Variants in NCOA1 observed in about 807,000 individuals in gnomAD.
NCOA1 encodes Hin-2 protein.
A neutral mutation model predicts 150.9 loss-of-function variants in NCOA1; 35 were observed. That is an observed-to-expected ratio of 0.23 (90% confidence interval 0.18 to 0.31). The LOEUF is 0.31. NCOA1 is among the 10% of genes least tolerant of loss of function. The pLI is 1.00. For missense variants in NCOA1, 1,491 were observed against 1,749.3 expected (o/e 0.85, Z 2.63); for synonymous variants, 590 against 630.0 (o/e 0.94, Z 0.95).
At chr2:24,576,163 G>GGTT (rs1666961530) in intron 2 of NCOA1, among the ~76,000 whole-genome samples, 2 of 92,734 alleles carry the variant, frequency 2.2e-5, no homozygotes, top group Non-Finnish European at 4.3e-5. Context: ...TTTTTTTTTT[G>GGTT]TTTTTTGTTT....
intron 1 of NCOA1, among the ~76,000 whole-genome samples, chr2:24,519,717 C>T (rs1263496561): frequency 6.6e-6 from 1 of 150,818 alleles, no homozygotes; most frequent in Admixed American, 6.6e-5. Flanking sequence ...TAGGCATAGT[C>T]TCGGGAGGCT....
intron 4 of NCOA1, among the ~76,000 whole-genome samples, chr2:24,651,374 A>T (rs1275550952): frequency 6.6e-6 from 1 of 152,110 alleles, no homozygotes; most frequent in Non-Finnish European, 1.5e-5. Context: ...TCAGCCATTA[A>T]AAAGGAGGAG....
At chr2:24,718,683 A>C (rs1674183784) in intron 14 of NCOA1, among the ~76,000 whole-genome samples, 1 of 151,318 alleles carries the variant, frequency 6.6e-6, no homozygotes, top group Admixed American at 6.6e-5. Context: ...AAAAAATACA[A>C]AACTAGGCTA....
chr2:24,611,397 C>T (rs1428438044), intron 3 of NCOA1, among the ~76,000 whole-genome samples: 1 of 152,174 alleles, frequency 6.6e-6, no homozygotes, highest in Non-Finnish European at 1.5e-5. Flanking sequence ...AAGAGTGCTG[C>T]AGTGAACGTA....
At chr2:24,501,227 T>C (rs1387233556) in intron 1 of NCOA1, among the ~76,000 whole-genome samples, 2 of 152,240 alleles carry the variant, frequency 1.3e-5, no homozygotes, top group Admixed American at 6.5e-5. Flanking sequence ...TGGAGTTCTT[T>C]TGGTTTTATT....
chr2:24,658,583 C>A, intron 4 of NCOA1, 78 bp from the exon 5 acceptor site: 1 of 1,020,244 alleles, frequency 9.8e-7, no homozygotes, highest in Non-Finnish European at 1.5e-6. Context: ...AATTTTCTAA[C>A]AGAGGGGAGC....
At chr2:24,717,945 G>A (rs1343395163) in intron 14 of NCOA1, among the ~76,000 whole-genome samples, 1 of 145,118 alleles carries the variant, frequency 6.9e-6, no homozygotes, top group Non-Finnish European at 1.5e-5. Context: ...TGCCTAGGCT[G>A]GAGTGCAATG....
Position 24,762,741 on chromosome 2 carries a change from A to G in NCOA1, c.4120A>G (p.Thr1374Ala), listed in dbSNP as rs746606970. 11 of 1,614,114 alleles carry G rather than the reference A, an allele frequency of 6.8e-6. No homozygotes were observed. The highest frequency in any genetic ancestry group is 8.5e-6 in the Non-Finnish European group (10 of 1,179,958). ...TGLYCNQLSS[T>A]DLLKTEADGT... is the part of the protein sequence containing the mutation. Reference sequence around the variant, plus strand: ...CCTCTACTGCAACCAGCTCTCATCCACTGACCTTCTCAAAACAGAAGCAGA... The same window carrying G: ...CCTCTACTGCAACCAGCTCTCATCCGCTGACCTTCTCAAAACAGAAGCAGA... Residue 1374 changes from threonine (T) to alanine (A), a missense_variant, in exon 22 of 23, where the codon ACT becomes GCT. This residue lies in a region of NCOA1 where 485 missense variants were observed against 522.8 expected (regional missense o/e 0.93). Coordinates refer to ENST00000348332, the MANE Select transcript of NCOA1 (RefSeq NM_003743.5).
At position 24,739,433 on chromosome 2, in the gene NCOA1, T is replaced by C. The variant is rs1663494267; in HGVS notation, c.3203T>C (p.Leu1068Ser). The change falls in exon 18 of 23, where the codon TTG (leucine) becomes TCG (serine). Residue 1068 changes from leucine (L) to serine (S), a missense_variant and splice_region_variant. Physicochemically the swap from Leu to Ser is moderately radical, Grantham distance 145 (BLOSUM62 -2). Around this residue, in one of 8 missense-constraint regions of NCOA1, gnomAD observed 485 missense variants for 522.8 expected, o/e 0.93. Transcript: ENST00000348332. ...CTTATTGTTTCCATTTTTCTCTAGT[T>C]GATACACCAAAATCGGCAAGCTATC... Reference protein sequence around the residue: ...LQQRLQGQQQLIHQNRQAILN... With the variant: ...LQQRLQGQQQSIHQNRQAILN... 1 of 1,610,996 alleles carries C rather than the reference T, an allele frequency of 6.2e-7. No homozygotes were observed. Among genetic ancestry groups the C allele is most frequent in the Non-Finnish European group, 8.5e-7 (1 of 1,177,376 alleles).
intron 14 of NCOA1, among the ~76,000 whole-genome samples, chr2:24,717,866 T>C (rs886908292): frequency 4.4e-4 from 66 of 151,442 alleles, no homozygotes; most frequent in Non-Finnish European, 1.8e-4. Flanking sequence ...AAGGAAGATA[T>C]GAAAATGGCA....
At chr2:24,748,677 C>G (rs1664066552) in intron 19 of NCOA1, among the ~76,000 whole-genome samples, 1 of 150,314 alleles carries the variant, frequency 6.7e-6, no homozygotes, top group Non-Finnish European at 1.5e-5. Flanking sequence ...AACTACATCT[C>G]TGGCAAATAT....
intron 1 of NCOA1, among the ~76,000 whole-genome samples, chr2:24,543,635 A>G (rs1176377505): frequency 6.6e-6 from 1 of 152,094 alleles, no homozygotes; most frequent in African/African-American, 2.4e-5. Context: ...ACCTAGATGA[A>G]CAGGGAAGGC....
intron 6 of NCOA1, among the ~76,000 whole-genome samples, chr2:24,666,296 G>A (rs1390486357): frequency 6.6e-6 from 1 of 152,078 alleles, no homozygotes; most frequent in Non-Finnish European, 1.5e-5. Flanking sequence ...TTACAGGCGT[G>A]AGCCACCGCA....
chr2:24,725,989 A>G (rs986534106), intron 14 of NCOA1, among the ~76,000 whole-genome samples: 1 of 152,138 alleles, frequency 6.6e-6, no homozygotes, highest in Admixed American at 6.5e-5. Context: ...CGTTACAGAA[A>G]AACGTTCTAA....
chr2:24,633,134 A>G (rs935139799), intron 3 of NCOA1, among the ~76,000 whole-genome samples: 3 of 152,150 alleles, frequency 2.0e-5, no homozygotes, highest in Non-Finnish European at 1.5e-5. Flanking sequence ...CCATATATAG[A>G]TACATATGCA....
intron 3 of NCOA1, among the ~76,000 whole-genome samples, chr2:24,636,933 A>T (rs1167483094): frequency 6.6e-6 from 1 of 151,980 alleles, no homozygotes; most frequent in East Asian, 1.9e-4. Context: ...TTTTAAATTG[A>T]CAAATAATAA....
chr2:24,765,896 C>CTTTTTTTTTT lies in NCOA1; in HGVS notation c.4156-2315_4156-2306dup, dbSNP rs773857143. ...AGTTTTCTGTAATTTCAATAATACA[C>CTTTTTTTTTT]TTTTTTTTTTTTTTTTTTTGAGACG... On this transcript the variant is annotated intron_variant, in intron 22 of 22. Coordinates refer to ENST00000348332, the MANE Select transcript of NCOA1 (RefSeq NM_003743.5). Among the ~76,000 whole-genome samples the CTTTTTTTTTT allele has an allele frequency of 5.3e-4, 68 of 128,046 alleles. 1 individual carries two copies. Among genetic ancestry groups the CTTTTTTTTTT allele is most frequent in the East Asian group, 1.8e-3 (8 of 4,436 alleles). 84.0% of individuals were successfully genotyped at this position (128,046 alleles called of 152,430 possible).
chr2:24,640,072 T>C (rs1337832769), intron 3 of NCOA1, among the ~76,000 whole-genome samples: 1 of 151,486 alleles, frequency 6.6e-6, no homozygotes, highest in Admixed American at 6.6e-5. Flanking sequence ...TTGCATTTTC[T>C]TCTTTCACTG....
rs1413998573 is a variant in NCOA1, at chr2:24,491,462, G to T, written c.-536G>T. ...TCAGGTTCCCTCTGCATCCCCCTGC[G>T]GGGGGACCCCTGCTCCGGAGGAGGG... On this transcript the variant is annotated 5_prime_UTR_variant, in exon 1 of 23. Transcript: ENST00000348332. 9.3e-6 allele frequency among the ~76,000 whole-genome samples: 1 copy of T among 107,246 alleles called. No individual in the cohort carries two copies. Among genetic ancestry groups the T allele is most frequent in the Non-Finnish European group, 1.8e-5 (1 of 56,254 alleles). 70.4% of individuals were successfully genotyped at this position (107,246 alleles called of 152,430 possible).
Sources: allele counts gnomAD v4.1 joint callset (sites outside exome capture counted in the v4.1 genomes callset), GRCh38; gene constraint gnomAD v4.1.1; regional missense constraint gnomAD v4.1.1; transcripts MANE v1.5; gene names NCBI Gene and HGNC (gene_info 2026-07-23, HGNC 2026-07-21).